RUFY2: variants seen among roughly 807,000 people sequenced by gnomAD.
The protein encoded by RUFY2 is RUN and FYVE domain containing 2, also known as RUN and FYVE domain-containing protein 2.
A neutral mutation model predicts 94.4 loss-of-function variants in RUFY2; 49 were observed. The observed-to-expected ratio is 0.52, with a 90% confidence interval of 0.41 to 0.66. RUFY2 has a LOEUF of 0.66. Among genes scored for constraint, RUFY2 ranks in the 30% least tolerant of loss-of-function variants. The pLI is 0.00. For missense variants in RUFY2, 541 were observed against 692.8 expected (o/e 0.78, Z 2.46); for synonymous variants, 255 against 235.7 (o/e 1.08, Z -0.75).
chr10:68,368,505 C>A (rs1281295930), intron 13 of RUFY2, among the ~76,000 whole-genome samples: 1 of 151,586 alleles, frequency 6.6e-6, no homozygotes, highest in Non-Finnish European at 1.5e-5. Context: ...ACTAAAAATA[C>A]AAAATTAGCC....
downstream of RUFY2, chr10:68,341,288 T>G: frequency 1.2e-6 from 2 of 1,601,336 alleles, no homozygotes; most frequent in Non-Finnish European, 1.7e-6. Flanking sequence ...AGCTGCCATG[T>G]CTAAAGATAA....
At chr10:68,391,331 T>C (rs1248595714) in intron 7 of RUFY2, among the ~76,000 whole-genome samples, 2 of 152,146 alleles carry the variant, frequency 1.3e-5, no homozygotes, top group African/African-American at 2.4e-5. Context: ...TTTTACATTT[T>C]TATTATAGTT....
chr10:68,341,595 T>C (rs139265338), downstream of RUFY2: 156 of 1,607,246 alleles, frequency 9.7e-5, no homozygotes, highest in Middle Eastern at 3.3e-4. Context: ...AACATCGATA[T>C]ATTGAACTCT....
At chr10:68,366,759 T>TATAA (rs1235098742) in intron 13 of RUFY2, among the ~76,000 whole-genome samples, 19 of 131,844 alleles carry the variant, frequency 1.4e-4, no homozygotes, top group African/African-American at 3.7e-4. Flanking sequence ...TATATATATA[T>TATAA]AATATTAAAT....
intron 16 of RUFY2, among the ~76,000 whole-genome samples, chr10:68,354,728 A>G (rs1043691481): frequency 1.3e-5 from 2 of 152,250 alleles, no homozygotes; most frequent in African/African-American, 4.8e-5. Flanking sequence ...TGCTGAAAGT[A>G]AAAGAACTAG....
chr10:68,383,175 G>A (rs10823188), intron 10 of RUFY2, among the ~76,000 whole-genome samples: 33,006 of 150,660 alleles, frequency 0.22, 4,297 homozygotes, highest in African/African-American at 0.35. Context: ...AAATACAAAA[G>A]TTAGCCAGGC....
chr10:68,348,757 C>T (rs1476827825), intron 16 of RUFY2, among the ~76,000 whole-genome samples: 1 of 152,100 alleles, frequency 6.6e-6, no homozygotes, highest in Non-Finnish European at 1.5e-5. Flanking sequence ...TAAAGTAAGC[C>T]TAGTGTGTCC....
At chr10:68,368,637 C>A (rs888079774) in intron 13 of RUFY2, among the ~76,000 whole-genome samples, 1 of 150,976 alleles carries the variant, frequency 6.6e-6, no homozygotes, top group Admixed American at 6.6e-5. Context: ...CCAGCCTGGG[C>A]AACAAGAGCA....
At chr10:68,399,804 A>G (rs1391961765) in intron 3 of RUFY2, among the ~76,000 whole-genome samples, 1 of 152,146 alleles carries the variant, frequency 6.6e-6, no homozygotes, top group Non-Finnish European at 1.5e-5. Context: ...TTTTTGAGAC[A>G]GAGTTTCTCT....
intron 15 of RUFY2, among the ~76,000 whole-genome samples, chr10:68,359,535 TATA>T (rs1173000161): frequency 2.7e-5 from 4 of 145,722 alleles, no homozygotes; most frequent in Non-Finnish European, 4.5e-5. Flanking sequence ...TATTTATATA[TATA>T]ATGCTACTAT....
chr10:68,374,193 TGGG>T lies in RUFY2; in HGVS notation c.1325+2657_1325+2659del, dbSNP rs560385890. Among the ~76,000 whole-genome samples, 923 of 150,944 alleles carry T rather than the reference TGGG, an allele frequency of 6.1e-3. 14 individuals carry two copies. Among genetic ancestry groups the T allele is most frequent in the African/African-American group, 0.022 (886 of 41,176 alleles). The stretch of plus-strand genomic sequence containing the variant: ...GCTCACACCTGTAATCCCAACACTT[TGGG>T]AGGCAAAGGTGGGAGGATCGCTTGA... On this transcript the variant is annotated intron_variant, in intron 13 of 17. Coordinates refer to ENST00000602465, the MANE Select transcript of RUFY2 (RefSeq NM_001330103.2).
At chr10:68,386,742 T>A (rs1422351455) in intron 7 of RUFY2, among the ~76,000 whole-genome samples, 1 of 152,240 alleles carries the variant, frequency 6.6e-6, no homozygotes, top group Non-Finnish European at 1.5e-5. Flanking sequence ...CTAAGTATTG[T>A]TAAAATTATA....
intron 13 of RUFY2, among the ~76,000 whole-genome samples, chr10:68,366,060 C>T (rs961569694): frequency 1.3e-5 from 2 of 152,084 alleles, no homozygotes; most frequent in Non-Finnish European, 2.9e-5. Context: ...AGTTTGGTGG[C>T]TCATGCCTGT....
At chr10:68,402,889 A>G (rs2050965773) in intron 2 of RUFY2, among the ~76,000 whole-genome samples, 1 of 127,174 alleles carries the variant, frequency 7.9e-6, no homozygotes, top group African/African-American at 3.1e-5. Context: ...TGTGTCTCCC[A>G]GACTGGAGTG....
intron 15 of RUFY2, among the ~76,000 whole-genome samples, chr10:68,362,709 G>A (rs758742724): frequency 1.3e-4 from 19 of 151,978 alleles, no homozygotes; most frequent in Admixed American, 6.6e-4. Flanking sequence ...AGGGTTGCTT[G>A]AGCCCAGGAG....
rs34271308 is a variant in RUFY2, at chr10:68,403,793, CT to C, written c.178+877del. On this transcript the variant is annotated intron_variant, in intron 2 of 17. Coordinates refer to ENST00000602465, the MANE Select transcript of RUFY2 (RefSeq NM_001330103.2). ...ACAAAGTTTAGGTAAATCTTTGAAT[CT>C]TTTTTTTTTTTTTTTGAGAAAGGGT... Among the ~76,000 whole-genome samples the C allele has an allele frequency of 5.6e-3, 779 of 140,066 alleles. 2 individuals are homozygous for C. The highest frequency in any genetic ancestry group is 0.011 in the African/African-American group (400 of 38,080). 91.9% of individuals were successfully genotyped at this position (140,066 alleles called of 152,430 possible). A position where few individuals can be genotyped will look rare whatever the true frequency, so the allele number is the denominator to read the frequency against.
At chr10:68,382,724 A>G (rs539558764) in intron 10 of RUFY2, among the ~76,000 whole-genome samples, 16 of 133,908 alleles carry the variant, frequency 1.2e-4, no homozygotes, top group East Asian at 2.0e-4. Flanking sequence ...AAAAAAAAAA[A>G]AAAAGAAAAA....
chr10:68,406,178 C>CA (rs1227800754), intron 1 of RUFY2, among the ~76,000 whole-genome samples: 1 of 151,232 alleles, frequency 6.6e-6, no homozygotes, highest in Non-Finnish European at 1.5e-5. Context: ...ACAACAACAA[C>CA]AACAAAAAAC....
At position 68,346,180 on chromosome 10, in the gene RUFY2, T is replaced by A. The variant is rs1000367362; in HGVS notation, c.1600-96A>T. 4.7e-6 allele frequency: 4 copies of A among 844,664 alleles called. No individual in the cohort carries two copies. In the Admixed American group the frequency reaches 8.2e-5, roughly 17 times the overall value. The allele number at this position is 844,664 out of a possible 1,614,324, so 52.3% of individuals were successfully genotyped here. A position where few individuals can be genotyped will look rare whatever the true frequency, so the allele number is the denominator to read the frequency against. On this transcript the variant is annotated intron_variant, in intron 16 of 17. Coordinates refer to ENST00000602465, the MANE Select transcript of RUFY2 (RefSeq NM_001330103.2). ...AGAACATTATTTATAGGAATAGATA[T>A]ATGAAGAATGGAAAATAAGTTATTT...
Sources: gnomAD v4.1 joint callset for allele counts (sites outside exome capture counted in the v4.1 genomes callset) on GRCh38, gnomAD v4.1.1 for gene constraint, MANE v1.5 for transcripts, NCBI Gene and HGNC (gene_info 2026-07-23, HGNC 2026-07-21) for gene names.